The following FBXO34 variants were observed in gnomAD, a reference collection of about 807,000 sequenced individuals.
FBXO34 encodes F-box only protein 34.
FBXO34 carries 12 observed loss-of-function variants against 24.5 expected under a neutral mutation model. That is an observed-to-expected ratio of 0.49 (90% CI 0.31 to 0.79). FBXO34 has a LOEUF of 0.79. Among genes scored for constraint, FBXO34 ranks in the 30% least tolerant of loss-of-function variants. The pLI, the probability that FBXO34 is intolerant of heterozygous loss-of-function variation, is 0.04. For missense variants in FBXO34, 823 were observed against 857.7 expected (o/e 0.96, Z 0.51); for synonymous variants, 320 against 311.9 (o/e 1.03, Z -0.27).
At chr14:55,358,640 C>T (rs983469631) in intron 3 of FBXO34, among the ~76,000 whole-genome samples, 2 of 152,180 alleles carry the variant, frequency 1.3e-5, no homozygotes, top group African/African-American at 4.8e-5. Flanking sequence ...CATGAAGAGG[C>T]GCAGGGCAGG....
At chr14:55,272,399 G>A (rs142121600) in intron 1 of FBXO34, 1 of 152,214 alleles carries the variant, frequency 6.6e-6, no homozygotes, top group East Asian at 1.9e-4. Context: ...TTAAGTCAGG[G>A]TAGGAGGTTT....
the FBXO34 span, among the ~76,000 whole-genome samples, chr14:55,442,747 T>C: frequency 6.6e-6 from 1 of 152,238 alleles, no homozygotes; most frequent in African/African-American, 2.4e-5. Context: ...ACCTGCCTAG[T>C]AGCTCAAATA....
intron 1 of FBXO34, among the ~76,000 whole-genome samples, chr14:55,331,033 A>G (rs1345734860): frequency 6.6e-6 from 1 of 152,206 alleles, no homozygotes; most frequent in Non-Finnish European, 1.5e-5. Context: ...TTTAGCTCCC[A>G]AACTGTGGGA....
Position 55,352,944 on chromosome 14 carries a change from G to T in FBXO34, c.*418G>T, listed in dbSNP as rs564209602. 5.7e-6 allele frequency: 1 copy of T among 173,984 alleles called. No individual in the cohort carries two copies. The highest frequency in any genetic ancestry group is 6.1e-5 in the Admixed American group (1 of 16,526). 10.8% of individuals were successfully genotyped at this position (173,984 alleles called of 1,614,324 possible). ...ATTTGAAATAAGTGAATATTGTCCT[G>T]TGAAAAGAATAGCAGGACTTTTAGA... On this transcript the variant is annotated 3_prime_UTR_variant, in exon 2 of 2. Transcript: ENST00000313833.
chr14:55,277,071 A>G (rs1388816231), intron 1 of FBXO34, among the ~76,000 whole-genome samples: 1 of 152,258 alleles, frequency 6.6e-6, no homozygotes, highest in South Asian at 2.1e-4. Context: ...GAACAAGTTC[A>G]TACATCTGTG....
At chr14:55,376,306 A>G in the FBXO34 span, among the ~76,000 whole-genome samples, 1 of 152,236 alleles carries the variant, frequency 6.6e-6, no homozygotes, top group South Asian at 2.1e-4. Flanking sequence ...AGTAAGGATA[A>G]ATTTCCTAAT....
the FBXO34 span, chr14:55,395,117 C>A: frequency 2.1e-6 from 1 of 484,272 alleles, no homozygotes; most frequent in Non-Finnish European, 4.2e-6. Context: ...TTTCCTGCTG[C>A]TTTCTCAGCT....
the FBXO34 span, among the ~76,000 whole-genome samples, chr14:55,400,615 T>TA: frequency 6.6e-6 from 1 of 152,144 alleles, no homozygotes; most frequent in Non-Finnish European, 1.5e-5. Context: ...ACAAATAAAA[T>TA]AAACTGGGCC....
the FBXO34 span, chr14:55,391,087 G>A: frequency 6.3e-6 from 5 of 794,904 alleles, no homozygotes; most frequent in Non-Finnish European, 1.0e-5. Context: ...AGATATGTCA[G>A]AAAACATAAT....
chr14:55,397,544 T>G, the FBXO34 span: 6 of 858,660 alleles, frequency 7.0e-6, no homozygotes, highest in Non-Finnish European at 9.5e-6. Flanking sequence ...GAAAATGTCA[T>G]TGTCCTGATA....
chr14:55,351,138 G>C lies in FBXO34; in HGVS notation c.748G>C (p.Glu250Gln). 6.2e-7 allele frequency: 1 copy of C among 1,614,212 alleles called. No individual in the cohort carries two copies. Among genetic ancestry groups the C allele is most frequent in the Non-Finnish European group, 8.5e-7 (1 of 1,180,042 alleles). ...ATCCAGAGGTGTGCCTGCAGTGTCT[G>C]AGTCCTATTCTGCCCCAGGAGCTTG... ...GQSRGVPAVS[E>Q]SYSAPGACEE... Residue 250 changes from glutamate (E) to glutamine (Q), a missense_variant, in exon 2 of 2, where the codon GAG becomes CAG. Coordinates refer to ENST00000313833, the MANE Select transcript of FBXO34 (RefSeq NM_017943.4).
chr14:55,323,831 G>C (rs1289859295), intron 1 of FBXO34, among the ~76,000 whole-genome samples: 1 of 152,108 alleles, frequency 6.6e-6, no homozygotes, highest in Non-Finnish European at 1.5e-5. Context: ...CTGTACTGCT[G>C]CCATACTGTC....
At chr14:55,378,691 C>T in the FBXO34 span, among the ~76,000 whole-genome samples, 1 of 151,968 alleles carries the variant, frequency 6.6e-6, no homozygotes, top group East Asian at 1.9e-4. Context: ...TCACCACATT[C>T]CCTCTTACCT....
intron 1 of FBXO34, among the ~76,000 whole-genome samples, chr14:55,309,441 T>C (rs1053692618): frequency 1.3e-5 from 2 of 152,158 alleles, no homozygotes; most frequent in Non-Finnish European, 2.9e-5. Flanking sequence ...AAATTTATGA[T>C]TATTTGGATA....
At chr14:55,405,357 T>C in the FBXO34 span, among the ~76,000 whole-genome samples, 1 of 152,252 alleles carries the variant, frequency 6.6e-6, no homozygotes, top group Admixed American at 6.5e-5. Context: ...CATTTCTCAA[T>C]TTGTTTAGGG....
the FBXO34 span, among the ~76,000 whole-genome samples, chr14:55,411,430 G>A: frequency 3.3e-5 from 5 of 152,180 alleles, no homozygotes; most frequent in African/African-American, 1.2e-4. Flanking sequence ...TGGCCCCTAC[G>A]CTGTCCTCTG....
the FBXO34 span, among the ~76,000 whole-genome samples, chr14:55,441,239 C>A: frequency 6.6e-6 from 1 of 151,680 alleles, no homozygotes; most frequent in Non-Finnish European, 1.5e-5. Flanking sequence ...GCCTCGACCT[C>A]CTGGACTCAA....
the FBXO34 span, among the ~76,000 whole-genome samples, chr14:55,412,328 C>G: frequency 2.0e-5 from 3 of 152,114 alleles, no homozygotes; most frequent in Non-Finnish European, 4.4e-5. Flanking sequence ...CCTGTTCTCT[C>G]GTGTTAAATG....
intron 1 of FBXO34, among the ~76,000 whole-genome samples, chr14:55,322,311 A>G (rs1883165611): frequency 4.3e-5 from 1 of 23,262 alleles, no homozygotes; most frequent in Non-Finnish European, 8.6e-5. Flanking sequence ...CTCTGTCTCA[A>G]AAAAAAAAAA....
Sources: allele counts gnomAD v4.1 joint callset (sites outside exome capture counted in the v4.1 genomes callset), GRCh38; gene constraint gnomAD v4.1.1; transcripts MANE v1.5; gene names NCBI Gene and HGNC (gene_info 2026-07-23, HGNC 2026-07-21).